The following MIX23 variants were observed in gnomAD, a reference collection of about 807,000 sequenced individuals.
The protein encoded by MIX23 is protein MIX23.
MIX23 carries 13 observed loss-of-function variants against 21.6 expected under a neutral mutation model. The observed-to-expected ratio is 0.60, with a 90% CI of 0.39 to 0.96. The LOEUF (loss-of-function observed/expected upper bound fraction) is 0.96. MIX23 is among the 40% of genes least tolerant of loss of function. MIX23 has a pLI of 0.00. For synonymous variants in MIX23, 59 were observed against 58.0 expected, an observed-to-expected ratio of 1.02 and a Z score of -0.08; for missense variants, 144 against 171.2, an observed-to-expected ratio of 0.84 and a Z score of 0.89.
chr3:122,375,508 A>G (rs2075478523), intron 1 of MIX23, among the ~76,000 whole-genome samples: 1 of 152,216 alleles, frequency 6.6e-6, no homozygotes, highest in Admixed American at 6.5e-5. Context: ...GGTATTTGGG[A>G]TGACCTCAAA....
chr3:122,359,656 G>T lies in MIX23; in HGVS notation c.*213C>A, dbSNP rs1297797140. On this transcript the variant is annotated 3_prime_UTR_variant, in exon 5 of 5. Transcript: ENST00000291458. ...TTTTTTTTTTTTTTTTACAGAATCA[G>T]TATAAAATAGCAGTTGATTTCTCCA... 4.5e-5 allele frequency: 14 copies of T among 312,934 alleles called. No homozygotes were observed. Among genetic ancestry groups the T allele is most frequent in the East Asian group, 9.6e-5 (2 of 20,814 alleles). The allele number at this position is 312,934 out of a possible 1,614,324, so 19.4% of individuals were successfully genotyped here.
At chr3:122,383,134 A>C in intron 1 of MIX23, 40 bp downstream of exon 1, 3 of 1,612,822 alleles carry the variant, frequency 1.9e-6, no homozygotes, top group Non-Finnish European at 2.5e-6. Flanking sequence ...CTGGGGACAA[A>C]AGGAGGCACA....
intron 1 of MIX23, among the ~76,000 whole-genome samples, chr3:122,378,805 A>T (rs2075508498): frequency 6.6e-6 from 1 of 152,196 alleles, no homozygotes; most frequent in African/African-American, 2.4e-5. Flanking sequence ...TCAATATATG[A>T]TCTAGAGCTT....
At chr3:122,374,698 T>C (rs910456919) in intron 1 of MIX23, among the ~76,000 whole-genome samples, 1 of 152,172 alleles carries the variant, frequency 6.6e-6, no homozygotes, top group Non-Finnish European at 1.5e-5. Flanking sequence ...TCAGGCACCA[T>C]TCAAAACATC....
chr3:122,361,479 C>A (rs372424581), intron 4 of MIX23, among the ~76,000 whole-genome samples: 54 of 152,272 alleles, frequency 3.5e-4, no homozygotes, highest in African/African-American at 1.2e-3. Flanking sequence ...CTTCTGCTGG[C>A]CCACTGCACC....
intron 3 of MIX23, among the ~76,000 whole-genome samples, chr3:122,363,541 G>C (rs2075375020): frequency 6.6e-6 from 1 of 151,688 alleles, no homozygotes; most frequent in South Asian, 2.1e-4. Context: ...CTTGAACCCA[G>C]GGATTCCAGT....
Position 122,368,168 on chromosome 3 carries a change from C to T in MIX23, c.324+8G>A, listed in dbSNP as rs765390634. On this transcript the variant is annotated splice_region_variant and intron_variant, in intron 3 of 4. Transcript: ENST00000291458. ...TTGCCTGAGAAATGTTAATTCTGTT[C>T]AACTTACCTTTGTCTGCTCTTTTCT... 8.7e-6 allele frequency: 14 copies of T among 1,609,566 alleles called. No homozygotes were observed. Among genetic ancestry groups the T allele is most frequent in the South Asian group, 2.2e-5 (2 of 90,888 alleles).
intron 1 of MIX23, among the ~76,000 whole-genome samples, chr3:122,373,661 G>C (rs557801021): frequency 2.8e-4 from 43 of 152,240 alleles, no homozygotes; most frequent in Admixed American, 2.6e-3. Context: ...CAAACATTTA[G>C]GTTGTTTCCA....
chr3:122,359,830 TAAAAAAAAAAAAAA>T lies in MIX23; in HGVS notation c.*25_*38del, dbSNP rs527562300. On this transcript the variant is annotated 3_prime_UTR_variant, in exon 5 of 5. Coordinates refer to ENST00000291458, the MANE Select transcript of MIX23 (RefSeq NM_001017928.4). Reference sequence around the variant, plus strand: ...AGCTCTTATGAGATGACCCAGTCCTTAAAAAAAAAAAAAAAAAAAAAAAAAAAAGAATCTCTCTT... The same window carrying T: ...AGCTCTTATGAGATGACCCAGTCCTTAAAAAAAAAAAAAAGAATCTCTCTT... 456 of 1,007,570 alleles carry T rather than the reference TAAAAAAAAAAAAAA, an allele frequency of 4.5e-4. No individual in the cohort carries two copies. The highest frequency in any genetic ancestry group is 7.1e-4 in the African/African-American group (22 of 30,798). The allele number at this position is 1,007,570 out of a possible 1,614,324, so 62.4% of individuals were successfully genotyped here.
intron 1 of MIX23, among the ~76,000 whole-genome samples, chr3:122,377,843 A>T (rs1195683038): frequency 6.6e-6 from 1 of 152,206 alleles, no homozygotes; most frequent in African/African-American, 2.4e-5. Flanking sequence ...TCTCAAAAAA[A>T]TTTTAAATGA....
intron 1 of MIX23, among the ~76,000 whole-genome samples, chr3:122,378,709 G>A (rs914196599): frequency 2.6e-5 from 4 of 152,308 alleles, no homozygotes; most frequent in African/African-American, 7.2e-5. Flanking sequence ...TGGGACCACC[G>A]TTGTATATGT....
At chr3:122,378,073 CAT>C (rs1322659873) in intron 1 of MIX23, among the ~76,000 whole-genome samples, 2 of 152,154 alleles carry the variant, frequency 1.3e-5, no homozygotes, top group Admixed American at 6.5e-5. Flanking sequence ...GGGAACCAAA[CAT>C]GTGTTTTCTG....
rs112855780 is a variant in MIX23 at position 122,371,996 on chromosome 3, G to C, written c.52-196C>G. Among the ~76,000 whole-genome samples the C allele has an allele frequency of 2.5e-3, 388 of 152,160 alleles. 2 individuals carry two copies. Among genetic ancestry groups the C allele is most frequent in the African/African-American group, 9.0e-3 (374 of 41,512 alleles). Reference sequence around the variant, plus strand: ...AGGTTAAGTAATGGTAATCCTAACAGTGGGCACCAACTCTGCCTCCTTGGC... The same window carrying C: ...AGGTTAAGTAATGGTAATCCTAACACTGGGCACCAACTCTGCCTCCTTGGC... On this transcript the variant is annotated intron_variant, in intron 1 of 4. Coordinates refer to ENST00000291458, the MANE Select transcript of MIX23 (RefSeq NM_001017928.4).
intron 1 of MIX23, among the ~76,000 whole-genome samples, chr3:122,376,990 T>C (rs183670349): frequency 9.9e-5 from 15 of 152,094 alleles, no homozygotes; most frequent in African/African-American, 3.1e-4. Flanking sequence ...TGAGACCAGT[T>C]TGGCCATGGC....
At chr3:122,378,787 G>C (rs1437155921) in intron 1 of MIX23, among the ~76,000 whole-genome samples, 1 of 152,192 alleles carries the variant, frequency 6.6e-6, no homozygotes, top group Non-Finnish European at 1.5e-5. Context: ...GTGTGTACTA[G>C]AGAATTATCA....
chr3:122,375,503 T>C (rs1466743121), intron 1 of MIX23, among the ~76,000 whole-genome samples: 1 of 152,122 alleles, frequency 6.6e-6, no homozygotes, highest in South Asian at 2.1e-4. Context: ...GATATGGTAT[T>C]TGGGATGACC....
chr3:122,369,791 T>G (rs954855530), intron 2 of MIX23, among the ~76,000 whole-genome samples: 1 of 152,208 alleles, frequency 6.6e-6, no homozygotes, highest in African/African-American at 2.4e-5. Flanking sequence ...GCTCTGTCAC[T>G]CAGGCTGGAC....
At chr3:122,379,481 T>G (rs2075513776) in intron 1 of MIX23, among the ~76,000 whole-genome samples, 1 of 152,204 alleles carries the variant, frequency 6.6e-6, no homozygotes, top group Non-Finnish European at 1.5e-5. Flanking sequence ...CGGGCTGCCC[T>G]CACACATTGT....
At chr3:122,377,294 G>C (rs2075495396) in intron 1 of MIX23, among the ~76,000 whole-genome samples, 1 of 152,176 alleles carries the variant, frequency 6.6e-6, no homozygotes, top group Non-Finnish European at 1.5e-5. Context: ...ATGCCTATTA[G>C]ATATCTGAGT....
Sources: allele counts gnomAD v4.1 joint callset (sites outside exome capture counted in the v4.1 genomes callset), GRCh38; gene constraint gnomAD v4.1.1; transcripts MANE v1.5; gene names NCBI Gene and HGNC (gene_info 2026-07-23, HGNC 2026-07-21).